The following GJC1 variants were observed in gnomAD, a reference collection of about 807,000 sequenced individuals.
GJC1 encodes the protein gap junction protein gamma 1, also known as gap junction gamma-1 protein.
GJC1 carries 5 observed loss-of-function variants against 29.3 expected under a neutral mutation model. The ratio of observed to expected loss-of-function variants is 0.17; its 90% CI spans 0.09 to 0.36. The LOEUF is 0.36. Among genes scored for constraint, GJC1 ranks in the 10% least tolerant of loss-of-function variants. The pLI is 1.00. For synonymous variants in GJC1, 177 were observed against 183.3 expected, an observed-to-expected ratio of 0.97 and a Z score of 0.28; for missense variants, 310 against 496.2, an observed-to-expected ratio of 0.62 and a Z score of 3.56.
At position 44,804,456 on chromosome 17, in the gene GJC1, CTT is replaced by C; in HGVS notation, c.*169_*170del. On this transcript the variant is annotated 3_prime_UTR_variant, in exon 3 of 3. Coordinates refer to ENST00000592524, the MANE Select transcript of GJC1 (RefSeq NM_005497.4). Reference sequence around the variant, plus strand: ...ATGTGCCTGGGAACACTGTGTTTCCCTTTCTCTCCCTCAGCCCAGCCCCGCCT... The same window carrying C: ...ATGTGCCTGGGAACACTGTGTTTCCCTCTCTCCCTCAGCCCAGCCCCGCCT... 1.7e-6 allele frequency: 1 copy of C among 590,546 alleles called. No individual in the cohort carries two copies. Among genetic ancestry groups the C allele is most frequent in the Non-Finnish European group, 3.0e-6 (1 of 332,950 alleles). The allele number at this position is 590,546 out of a possible 1,614,324, so 36.6% of individuals were successfully genotyped here. A position where few individuals can be genotyped will look rare whatever the true frequency, so the allele number is the denominator to read the frequency against.
rs1306210529 is a variant in GJC1 at position 44,799,967 on chromosome 17, C to A, written c.*4660G>T. On this transcript the variant is annotated 3_prime_UTR_variant, in exon 3 of 3. Transcript: ENST00000592524. The stretch of plus-strand genomic sequence containing the variant: ...CATAGGGACAACAGCAAATACAAAT[C>A]TTTAAACACTTCATGATGTGGCCGG... 1 of 152,190 alleles carries A rather than the reference C, an allele frequency of 6.6e-6. No homozygotes were observed. The allele number at this position is 152,190 out of a possible 1,614,324, so 9.4% of individuals were successfully genotyped here. A position where few individuals can be genotyped will look rare whatever the true frequency, so the allele number is the denominator to read the frequency against.
intron 1 of GJC1, among the ~76,000 whole-genome samples, chr17:44,811,018 C>T (rs187701209): frequency 5.9e-4 from 90 of 152,312 alleles, no homozygotes; most frequent in African/African-American, 2.1e-3. Context: ...ATCTGCCCAC[C>T]TCAGCCTCCC....
At chr17:44,815,177 C>T (rs2050028439) in intron 1 of GJC1, among the ~76,000 whole-genome samples, 1 of 151,960 alleles carries the variant, frequency 6.6e-6, no homozygotes, top group Non-Finnish European at 1.5e-5. Context: ...ATTAGTAAAG[C>T]ACCAATTTTT....
At chr17:44,827,891 AAAG>A (rs1475755197) in intron 1 of GJC1, among the ~76,000 whole-genome samples, 1 of 152,220 alleles carries the variant, frequency 6.6e-6, no homozygotes, top group African/African-American at 2.4e-5. Context: ...GAAAAAGAAA[AAAG>A]AACACACCTC....
intron 1 of GJC1, among the ~76,000 whole-genome samples, chr17:44,827,815 G>C (rs1050023692): frequency 9.2e-5 from 14 of 151,772 alleles, no homozygotes; most frequent in African/African-American, 3.4e-4. Flanking sequence ...GGTACCTGTA[G>C]TCCCAGCCAC....
chr17:44,804,844 C>T lies in GJC1; in HGVS notation c.974G>A (p.Gly325Asp). 1 of 1,614,118 alleles carries T rather than the reference C, an allele frequency of 6.2e-7. No homozygotes were observed. Among genetic ancestry groups the T allele is most frequent in the South Asian group, 1.1e-5 (1 of 91,076 alleles). The change falls in exon 3 of 3, where the codon GGC becomes GAC. Residue 325 changes from glycine to aspartate, a missense_variant. Coordinates refer to ENST00000592524, the MANE Select transcript of GJC1 (RefSeq NM_005497.4). ...KANTAQEQQY[G>D]SHEENLPADL... is the part of the protein sequence containing the mutation. ...AGCTGGGAGGTTCTCCTCATGGCTG[C>T]CATACTGCTGTTCCTGGGCTGTGTT...
At chr17:44,819,336 G>A (rs2050079376) in intron 1 of GJC1, among the ~76,000 whole-genome samples, 1 of 152,052 alleles carries the variant, frequency 6.6e-6, no homozygotes, top group Admixed American at 6.6e-5. Context: ...TGTGTTCAAG[G>A]TTTATCCACG....
At chr17:44,823,042 G>A (rs928109922) in intron 1 of GJC1, among the ~76,000 whole-genome samples, 1 of 152,032 alleles carries the variant, frequency 6.6e-6, no homozygotes, top group African/African-American at 2.4e-5. Flanking sequence ...CAAAAGGAAT[G>A]TTATAACTCA....
chr17:44,819,362 G>A (rs1039538151), intron 1 of GJC1, among the ~76,000 whole-genome samples: 1 of 152,122 alleles, frequency 6.6e-6, no homozygotes, highest in Admixed American at 6.6e-5. Flanking sequence ...CCATGTGTCA[G>A]AATTTCCTTC....
At chr17:44,794,288 T>C (rs1165953857), downstream of GJC1, 1 of 152,288 alleles carries the variant, frequency 6.6e-6, no homozygotes, top group Admixed American at 6.5e-5. Flanking sequence ...CTGCGGATCC[T>C]TGTCGACGCT....
chr17:44,818,434 G>A (rs1209947677), intron 1 of GJC1, among the ~76,000 whole-genome samples: 2 of 150,748 alleles, frequency 1.3e-5, no homozygotes, highest in East Asian at 3.9e-4. Context: ...AGAATAGGGA[G>A]ACCACAAAAC....
chr17:44,810,438 C>A (rs2049965053), intron 1 of GJC1, among the ~76,000 whole-genome samples: 1 of 152,144 alleles, frequency 6.6e-6, no homozygotes, highest in Non-Finnish European at 1.5e-5. Context: ...TTTAACACAT[C>A]CATTAGTAAG....
downstream of GJC1, chr17:44,794,152 T>G (rs2049770724): frequency 6.6e-6 from 1 of 152,150 alleles, no homozygotes; most frequent in African/African-American, 2.4e-5. Context: ...TCACCTGATG[T>G]TAAGTGTTGC....
At chr17:44,818,753 C>G (rs1243724022) in intron 1 of GJC1, among the ~76,000 whole-genome samples, 3 of 151,996 alleles carry the variant, frequency 2.0e-5, no homozygotes, top group Non-Finnish European at 4.4e-5. Flanking sequence ...CGAGATTGTA[C>G]CACTGCACTC....
Position 44,804,688 on chromosome 17 carries a change from C to A in GJC1, c.1130G>T (p.Gly377Val). 1 of 1,614,108 alleles carries A rather than the reference C, an allele frequency of 6.2e-7. No homozygotes were observed. Among genetic ancestry groups the A allele is most frequent in the Non-Finnish European group, 8.5e-7 (1 of 1,180,002 alleles). ...GCTACTGGCAGTGCTTTTGTTGGACCCAGCTTTGGACCCCACTTTGGCCTT... is the reference window on the plus strand; with the variant it reads ...GCTACTGGCAGTGCTTTTGTTGGACACAGCTTTGGACCCCACTTTGGCCTT... ...EKKAKVGSKA[G>V]SNKSTASSKS... Residue 377 changes from glycine (G) to valine (V), a missense_variant, in exon 3 of 3, where the codon GGG becomes GTG. Gly to Val is a moderately radical substitution (Grantham distance 109). Coordinates refer to ENST00000592524, the MANE Select transcript of GJC1 (RefSeq NM_005497.4).
chr17:44,802,137 CA>C lies in GJC1; in HGVS notation c.*2489del, dbSNP rs2049855793. The C allele has an allele frequency of 2.0e-5, 3 of 152,182 alleles. No individual in the cohort carries two copies. The highest frequency in any genetic ancestry group is 2.0e-4 in the Admixed American group (3 of 15,276). 9.4% of individuals were successfully genotyped at this position (152,182 alleles called of 1,614,324 possible). On this transcript the variant is annotated 3_prime_UTR_variant, in exon 3 of 3. Coordinates refer to ENST00000592524, the MANE Select transcript of GJC1 (RefSeq NM_005497.4). ...AAGAAGCTGACGCGTTATCCAGACACAAAAGATAACATTCTCATCAAAACAG... is the reference window on the plus strand; with the variant it reads ...AAGAAGCTGACGCGTTATCCAGACACAAAGATAACATTCTCATCAAAACAG...
intron 1 of GJC1, among the ~76,000 whole-genome samples, chr17:44,821,905 A>G (rs1290920634): frequency 1.3e-5 from 2 of 151,130 alleles, no homozygotes; most frequent in Non-Finnish European, 3.0e-5. Flanking sequence ...TATAAGAAAC[A>G]CATATAATTA....
Position 44,804,934 on chromosome 17 carries a change from T to C in GJC1, c.884A>G (p.Lys295Arg), listed in dbSNP as rs760934788. ...TTCGGTGTACTGGATTTGATCTGGT[T>C]TGACAGCAATGTTATAGCCAGGGGG... ...SAPPGYNIAV[K>R]PDQIQYTELS... Residue 295 changes from lysine (K) to arginine (R), a missense_variant, in exon 3 of 3, where the codon AAA (lysine) becomes AGA (arginine). By Grantham distance (26) the Lys-to-Arg change is conservative (BLOSUM62 2). Transcript: ENST00000592524. 6.2e-7 allele frequency: 1 copy of C among 1,614,186 alleles called. No individual in the cohort carries two copies. Among genetic ancestry groups the C allele is most frequent in the South Asian group, 1.1e-5 (1 of 91,080 alleles).
chr17:44,820,819 A>G (rs748740614), intron 1 of GJC1, among the ~76,000 whole-genome samples: 1 of 152,208 alleles, frequency 6.6e-6, no homozygotes, highest in Non-Finnish European at 1.5e-5. Context: ...GAACGTTTTA[A>G]GTGGAAGTTA....
Sources: gnomAD v4.1 joint callset for allele counts (sites outside exome capture counted in the v4.1 genomes callset) on GRCh38, gnomAD v4.1.1 for gene constraint, MANE v1.5 for transcripts, NCBI Gene and HGNC (gene_info 2026-07-23, HGNC 2026-07-21) for gene names.